The following SLC6A17 variants were observed in gnomAD, a reference collection of about 807,000 sequenced individuals.
SLC6A17 encodes sodium-dependent neutral amino acid transporter SLC6A17.
SLC6A17 carries 21 observed loss-of-function variants against 64.5 expected under a neutral mutation model. That is an observed-to-expected ratio of 0.33 (90% CI 0.23 to 0.47). The LOEUF (loss-of-function observed/expected upper bound fraction) is 0.47, where lower values mean the gene tolerates loss of function less well. Ranked by LOEUF, SLC6A17 falls within the 20% of genes least tolerant of loss-of-function variation. SLC6A17 has a pLI of 1.00. For synonymous variants in SLC6A17, 372 were observed against 399.5 expected (o/e 0.93, Z 0.82); for missense variants, 682 against 963.2 (o/e 0.71, Z 3.86).
chr1:110,183,457 G>T (rs977167719), intron 6 of SLC6A17, among the ~76,000 whole-genome samples: 2 of 152,180 alleles, frequency 1.3e-5, no homozygotes, highest in Non-Finnish European at 2.9e-5. Context: ...GGTTAGTACT[G>T]GGCTTGTGGG....
At chr1:110,159,176 C>A (rs1437899643) in intron 1 of SLC6A17, among the ~76,000 whole-genome samples, 1 of 152,120 alleles carries the variant, frequency 6.6e-6, no homozygotes, top group East Asian at 1.9e-4. Flanking sequence ...GCTGTGTTGT[C>A]ATTGTTATTA....
intron 5 of SLC6A17, among the ~76,000 whole-genome samples, chr1:110,176,359 T>C (rs192620954): frequency 6.6e-6 from 1 of 151,864 alleles, no homozygotes; most frequent in African/African-American, 2.4e-5. Context: ...CCCTCTGGGG[T>C]GAGGAGGCTG....
intron 1 of SLC6A17, among the ~76,000 whole-genome samples, chr1:110,151,240 C>T (rs1655592912): frequency 6.6e-6 from 1 of 152,204 alleles, no homozygotes; most frequent in Admixed American, 6.5e-5. Flanking sequence ...CCTGTCCGGC[C>T]CATCCGCGGC....
At chr1:110,184,734 G>A (rs767093259) in intron 6 of SLC6A17, among the ~76,000 whole-genome samples, 34 of 152,166 alleles carry the variant, frequency 2.2e-4, no homozygotes, top group Non-Finnish European at 4.1e-4. Context: ...ACTCTGATGT[G>A]GACAGTAGGG....
intron 6 of SLC6A17, among the ~76,000 whole-genome samples, chr1:110,182,314 A>G (rs1656551274): frequency 6.6e-6 from 1 of 152,196 alleles, no homozygotes; most frequent in African/African-American, 2.4e-5. Flanking sequence ...AAGACAGTGG[A>G]GGGAACAGAT....
intron 9 of SLC6A17, 59 bp downstream of exon 9, chr1:110,194,830 C>A: frequency 6.3e-7 from 1 of 1,594,532 alleles, no homozygotes; most frequent in East Asian, 2.2e-5. Flanking sequence ...GACAACAATT[C>A]CGTTCTGGCT....
chr1:110,182,158 G>A (rs1045539624), intron 6 of SLC6A17, among the ~76,000 whole-genome samples: 13 of 152,308 alleles, frequency 8.5e-5, no homozygotes, highest in East Asian at 5.8e-4. Flanking sequence ...GAGTTGGTTC[G>A]ATGGAAGATA....
chr1:110,178,796 G>T (rs1003720164), intron 6 of SLC6A17: 1 of 152,106 alleles, frequency 6.6e-6, no homozygotes, highest in Non-Finnish European at 1.5e-5. Flanking sequence ...GGGCTCCACC[G>T]TCATGACCTA....
At chr1:110,163,678 C>T (rs561028472) in intron 1 of SLC6A17, among the ~76,000 whole-genome samples, 15 of 152,192 alleles carry the variant, frequency 9.9e-5, no homozygotes, top group Non-Finnish European at 2.2e-4. Flanking sequence ...AGAGCACCTG[C>T]CCCAGTCCTC....
chr1:110,186,680 C>T (rs1368239371), intron 6 of SLC6A17, among the ~76,000 whole-genome samples: 3 of 122,346 alleles, frequency 2.5e-5, no homozygotes, highest in African/African-American at 5.7e-5. Flanking sequence ...CTCTCTCTCT[C>T]TCGCTCCCGA....
chr1:110,198,397 T>C lies in SLC6A17; in HGVS notation c.2137T>C (p.Tyr713His). The C allele has an allele frequency of 2.5e-6, 4 of 1,613,806 alleles. No individual in the cohort carries two copies. The highest frequency in any genetic ancestry group is 3.4e-6 in the Non-Finnish European group (4 of 1,179,966). ...LETSGNPNGR[Y>H]GSGYLLASTP... ...GACCAGCGGTAACCCCAATGGACGC[T>C]ATGGGAGCGGCTACCTGCTGGCCAG... The change falls in exon 12 of 12, where the codon TAT becomes CAT. Residue 713 changes from tyrosine to histidine, a missense_variant. By Grantham distance (83) the Tyr-to-His change is moderately conservative. This residue lies in a region of SLC6A17 where 264 missense variants were observed against 339.5 expected (regional missense o/e 0.78). Transcript: ENST00000331565.
intron 1 of SLC6A17, among the ~76,000 whole-genome samples, chr1:110,154,663 T>C (rs11811402): frequency 0.47 from 71,348 of 152,040 alleles, 17,314 homozygotes; most frequent in Non-Finnish European, 0.54. Flanking sequence ...AAAATCTGTC[T>C]AAGCTAGGGG....
rs1553206777 is a variant in SLC6A17, at chr1:110,186,458, A to AGG, written c.865-5514_865-5513insGG. On this transcript the variant is annotated intron_variant, in intron 6 of 11. Coordinates refer to ENST00000331565, the MANE Select transcript of SLC6A17 (RefSeq NM_001010898.4). ...GGAAATAATTACCAAAAAAAAAAAAAAAGGAAAGAGAAGAGGAAAGGATAA... is the reference window on the plus strand; with the variant it reads ...GGAAATAATTACCAAAAAAAAAAAAAGGAAGGAAAGAGAAGAGGAAAGGATAA... 9.5e-3 allele frequency among the ~76,000 whole-genome samples: 930 copies of AGG among 98,160 alleles called. 18 individuals are homozygous for AGG. The highest frequency in any genetic ancestry group is 0.039 in the African/African-American group (608 of 15,786). 64.4% of individuals were successfully genotyped at this position (98,160 alleles called of 152,430 possible).
rs1230270673 is a variant in SLC6A17 at position 110,198,675 on chromosome 1, C to T, written c.*231C>T. On this transcript the variant is annotated 3_prime_UTR_variant, in exon 12 of 12. Coordinates refer to ENST00000331565, the MANE Select transcript of SLC6A17 (RefSeq NM_001010898.4). ...TAATTCAGGACCCCACTCATCTAGC[C>T]CTCCAAGAGCCTCCGCCAAATTGTA... 5.0e-6 allele frequency: 3 copies of T among 600,974 alleles called. No individual in the cohort carries two copies. Among genetic ancestry groups the T allele is most frequent in the African/African-American group, 3.7e-5 (2 of 53,974 alleles). The allele number at this position is 600,974 out of a possible 1,614,324, so 37.2% of individuals were successfully genotyped here. A position where few individuals can be genotyped will look rare whatever the true frequency, so the allele number is the denominator to read the frequency against.
At chr1:110,194,124 G>C (rs963553572) in intron 8 of SLC6A17, among the ~76,000 whole-genome samples, 1 of 152,204 alleles carries the variant, frequency 6.6e-6, no homozygotes, top group Admixed American at 6.5e-5. Context: ...AGACCCAGGT[G>C]TCGGTGTTTC....
chr1:110,152,203 G>A (rs577663843), intron 1 of SLC6A17, among the ~76,000 whole-genome samples: 2 of 152,292 alleles, frequency 1.3e-5, no homozygotes, highest in East Asian at 3.9e-4. Flanking sequence ...GGTCACACCT[G>A]ATTGTCCTTG....
At chr1:110,178,038 T>C (rs1265860224) in intron 6 of SLC6A17, 1 of 152,216 alleles carries the variant, frequency 6.6e-6, no homozygotes, top group Non-Finnish European at 1.5e-5. Context: ...GGCCGTAGGG[T>C]TGTTGTAAAC....
chr1:110,192,835 T>C lies in SLC6A17; in HGVS notation c.1299+137T>C. The stretch of plus-strand genomic sequence containing the variant: ...TTGGTAAGCAAGGATCTGCTGTGTG[T>C]CCAGAGGGAGTGAAAGGGAAGAAAG... On this transcript the variant is annotated intron_variant, in intron 8 of 11. Coordinates refer to ENST00000331565, the MANE Select transcript of SLC6A17 (RefSeq NM_001010898.4). The surrounding 1 kb of genome is among the most constrained non-coding windows in gnomAD (Gnocchi z 4.3). 3 of 1,037,140 alleles carry C rather than the reference T, an allele frequency of 2.9e-6. No individual in the cohort carries two copies. Among genetic ancestry groups the C allele is most frequent in the South Asian group, 3.5e-5 (2 of 56,368 alleles). The allele number at this position is 1,037,140 out of a possible 1,614,324, so 64.2% of individuals were successfully genotyped here. A position where few individuals can be genotyped will look rare whatever the true frequency, so the allele number is the denominator to read the frequency against.
intron 1 of SLC6A17, among the ~76,000 whole-genome samples, chr1:110,152,969 C>T (rs1232600093): frequency 6.6e-6 from 1 of 152,186 alleles, no homozygotes; most frequent in Non-Finnish European, 1.5e-5. Flanking sequence ...ACCTGTAACT[C>T]AGCTTCACAT....
Sources: allele counts gnomAD v4.1 joint callset (sites outside exome capture counted in the v4.1 genomes callset), GRCh38; gene constraint gnomAD v4.1.1; regional missense constraint gnomAD v4.1.1; non-coding constraint Gnocchi (gnomAD v3.1); transcripts MANE v1.5; gene names NCBI Gene and HGNC (gene_info 2026-07-23, HGNC 2026-07-21).